SCO1: variants seen among roughly 807,000 people sequenced by gnomAD.
SCO1 encodes the protein synthesis of cytochrome C oxidase 1.
SCO1 carries 23 observed loss-of-function variants against 34.0 expected under a neutral mutation model. The observed-to-expected ratio is 0.68, with a 90% CI of 0.49 to 0.96. SCO1 has a LOEUF of 0.96. Among genes scored for constraint, SCO1 ranks in the 40% least tolerant of loss-of-function variants. The probability of loss-of-function intolerance (pLI) is 0.00; values close to 1 mark genes in which losing one functional copy is unlikely to be tolerated. For missense variants in SCO1, 404 were observed against 381.6 expected (o/e 1.06, Z -0.49); for synonymous variants, 161 against 145.5 (o/e 1.11, Z -0.77).
intron 5 of SCO1, among the ~76,000 whole-genome samples, chr17:10,682,914 C>A (rs553508213): frequency 5.3e-5 from 8 of 152,302 alleles, no homozygotes; most frequent in African/African-American, 1.7e-4. Context: ...ACTTTAAAAC[C>A]TAGAATCTGT....
rs1370267540 is a variant in SCO1 at position 10,676,835 on chromosome 17, G to A, written c.*4284C>T. 6.6e-6 allele frequency: 1 copy of A among 152,222 alleles called. No individual in the cohort carries two copies. The highest frequency in any genetic ancestry group is 1.5e-5 in the Non-Finnish European group (1 of 68,046). 9.4% of individuals were successfully genotyped at this position (152,222 alleles called of 1,614,324 possible). On this transcript the variant is annotated 3_prime_UTR_variant, in exon 6 of 6. Transcript: ENST00000255390. ...AGGATATAGTATAATTACGGAAGAA[G>A]AGCCAACAAACTTTCAAATACATTG...
intron 5 of SCO1, among the ~76,000 whole-genome samples, chr17:10,681,510 C>T (rs1471349038): frequency 6.6e-6 from 1 of 152,194 alleles, no homozygotes; most frequent in Non-Finnish European, 1.5e-5. Flanking sequence ...TTGGTTTAAT[C>T]CTTAACATAT....
chr17:10,693,225 C>T (rs1039785058), intron 2 of SCO1, among the ~76,000 whole-genome samples: 17 of 152,116 alleles, frequency 1.1e-4, no homozygotes, highest in African/African-American at 3.9e-4. Context: ...CAGTCCTAAG[C>T]CATTAGCTGT....
At chr17:10,682,189 T>C (rs2074625988) in intron 5 of SCO1, among the ~76,000 whole-genome samples, 3 of 152,234 alleles carry the variant, frequency 2.0e-5, no homozygotes, top group Admixed American at 1.3e-4. Flanking sequence ...TTGACTGCTA[T>C]TTGGCAAGAC....
rs1445695662 is a variant in SCO1 at position 10,684,262 on chromosome 17, A to G, written c.771+2465T>C. On this transcript the variant is annotated intron_variant, in intron 5 of 5. Transcript: ENST00000255390. ...TCTGGATTATCTGTGTTGTGAGTAT[A>G]AATTTCAGTGCCCAGGCTTGTGTTT... is the stretch of plus-strand genomic sequence containing the variant. 2.6e-5 allele frequency among the ~76,000 whole-genome samples: 4 copies of G among 152,222 alleles called. No homozygotes were observed. The East Asian group carries it at 7.7e-4, about 29-fold the overall frequency.
chr17:10,679,127 G>A lies in SCO1; in HGVS notation c.*1992C>T, dbSNP rs939616879. 3 of 152,198 alleles carry A rather than the reference G, an allele frequency of 2.0e-5. No homozygotes were observed. The highest frequency in any genetic ancestry group is 7.2e-5 in the African/African-American group (3 of 41,426). The allele number at this position is 152,198 out of a possible 1,614,324, so 9.4% of individuals were successfully genotyped here. ...TGCCCGGCTAATTTTTGTATTTTTA[G>A]GAGAGAGACGACGTTTCACCATGTT... On this transcript the variant is annotated 3_prime_UTR_variant, in exon 6 of 6. Transcript: ENST00000255390.
chr17:10,690,906 A>G (rs1289167468), intron 4 of SCO1, among the ~76,000 whole-genome samples: 2 of 152,216 alleles, frequency 1.3e-5, no homozygotes, highest in Non-Finnish European at 2.9e-5. Context: ...AGCCTGGAGG[A>G]TACTATTAAT....
rs1218954818 is a variant in SCO1 at position 10,673,204 on chromosome 17, A to C, written c.*7915T>G. ...ATTTTAGTAGAGATGGGGTTTCACC[A>C]TGTTGGCCAGGATGATCTCGATCTC... On this transcript the variant is annotated 3_prime_UTR_variant, in exon 6 of 6. Transcript: ENST00000255390. 1 of 151,960 alleles carries C rather than the reference A, an allele frequency of 6.6e-6. No homozygotes were observed. The highest frequency in any genetic ancestry group is 1.5e-5 in the Non-Finnish European group (1 of 68,082). The allele number at this position is 151,960 out of a possible 1,614,324, so 9.4% of individuals were successfully genotyped here. A position where few individuals can be genotyped will look rare whatever the true frequency, so the allele number is the denominator to read the frequency against.
intron 5 of SCO1, among the ~76,000 whole-genome samples, chr17:10,684,478 C>A (rs995224368): frequency 1.3e-5 from 2 of 152,188 alleles, no homozygotes; most frequent in African/African-American, 4.8e-5. Flanking sequence ...CTGACCAAAA[C>A]CCCCTCCCTT....
At position 10,677,508 on chromosome 17, in the gene SCO1, T is replaced by C. The variant is rs2074588734; in HGVS notation, c.*3611A>G. On this transcript the variant is annotated 3_prime_UTR_variant, in exon 6 of 6. Coordinates refer to ENST00000255390, the MANE Select transcript of SCO1 (RefSeq NM_004589.4). ...ATTTGAAAATATTAATGTCAATTTC[T>C]TTTAAACATAAATTTAAGAACAATA... The C allele has an allele frequency of 6.6e-6, 1 of 152,256 alleles. No homozygotes were observed. The allele number at this position is 152,256 out of a possible 1,614,324, so 9.4% of individuals were successfully genotyped here. A position where few individuals can be genotyped will look rare whatever the true frequency, so the allele number is the denominator to read the frequency against.
chr17:10,696,071 TA>T (rs869243005), intron 1 of SCO1, among the ~76,000 whole-genome samples: 121 of 73,018 alleles, frequency 1.7e-3, no homozygotes, highest in South Asian at 7.2e-3. Context: ...TTCATGTAAA[TA>T]AAAAAAAAAA....
chr17:10,686,710 C>A lies in SCO1; in HGVS notation c.771+17G>T, dbSNP rs969182169. ...CTGGGAGCTGGTCCATGGGTTAAAA[C>A]TGGAACATTTACTCACTATGTAGTC... On this transcript the variant is annotated intron_variant, in intron 5 of 5. Coordinates refer to ENST00000255390, the MANE Select transcript of SCO1 (RefSeq NM_004589.4). The A allele has an allele frequency of 6.7e-7, 1 of 1,498,932 alleles. No individual in the cohort carries two copies. Among genetic ancestry groups the A allele is most frequent in the Admixed American group, 1.7e-5 (1 of 59,834 alleles). 92.9% of individuals were successfully genotyped at this position (1,498,932 alleles called of 1,614,324 possible).
In SCO1 at chr17:10,681,227, C is replaced by A; in HGVS notation, c.798G>T (p.Leu266Phe). 1 of 1,614,122 alleles carries A rather than the reference C, an allele frequency of 6.2e-7. No individual in the cohort carries two copies. The highest frequency in any genetic ancestry group is 8.5e-7 in the Non-Finnish European group (1 of 1,180,018). ...YIVDHTIIMY[L>F]IGPDGEFLDY... ...CTAGAAACTCACCATCTGGTCCAAT[C>A]AAGTACATTATTATTGTGTGATCCA... is the stretch of plus-strand genomic sequence containing the variant. Residue 266 changes from leucine (L) to phenylalanine (F), a missense_variant, in exon 6 of 6, where the codon TTG (leucine) becomes TTT (phenylalanine). By Grantham distance (22) the Leu-to-Phe change is conservative. Transcript: ENST00000255390.
rs886526698 is a variant in SCO1 at position 10,674,713 on chromosome 17, C to T, written c.*6406G>A. 2.0e-5 allele frequency: 3 copies of T among 152,612 alleles called. No individual in the cohort carries two copies. The highest frequency in any genetic ancestry group is 7.2e-5 in the African/African-American group (3 of 41,462). The allele number at this position is 152,612 out of a possible 1,614,324, so 9.5% of individuals were successfully genotyped here. On this transcript the variant is annotated 3_prime_UTR_variant, in exon 6 of 6. Transcript: ENST00000255390. ...AAACCACCTCAAGGTCCTCACGAAA[C>T]CTTGGTGGCCAAGGCCCTTGGTATG...
chr17:10,681,601 G>C (rs781736126), intron 5 of SCO1, among the ~76,000 whole-genome samples: 2 of 152,158 alleles, frequency 1.3e-5, no homozygotes, highest in Non-Finnish European at 2.9e-5. Context: ...AATGTTTGTG[G>C]AATAGCAATG....
At chr17:10,687,438 G>A (rs1355175629) in intron 4 of SCO1, among the ~76,000 whole-genome samples, 2 of 152,212 alleles carry the variant, frequency 1.3e-5, no homozygotes, top group Admixed American at 1.3e-4. Flanking sequence ...TGGAATTCAT[G>A]TAAGTGAACC....
chr17:10,692,910 G>A lies in SCO1; in HGVS notation c.416C>T (p.Pro139Leu), dbSNP rs201588886. The A allele has an allele frequency of 6.2e-6, 10 of 1,613,874 alleles. No homozygotes were observed. The highest frequency in any genetic ancestry group is 2.2e-5 in the East Asian group (1 of 44,868). Residue 139 changes from proline (P) to leucine (L), a missense_variant, in exon 3 of 6, where the codon CCG (proline) becomes CTG (leucine). Physicochemically the swap from Pro to Leu is moderately conservative, Grantham distance 98. Coordinates refer to ENST00000255390, the MANE Select transcript of SCO1 (RefSeq NM_004589.4). ...RHIGKPLLGGPFSLTTHTGER... is the reference protein window; with the variant it reads ...RHIGKPLLGGLFSLTTHTGER... Reference sequence around the variant, plus strand: ...CCCAGTATGAGTTGTGAGGGAAAACGGTCCCCCAAGTAAAGGCTTGCCGAT... The same window carrying A: ...CCCAGTATGAGTTGTGAGGGAAAACAGTCCCCCAAGTAAAGGCTTGCCGAT...
chr17:10,690,215 AGCTTCT>A (rs1182945743), intron 4 of SCO1, among the ~76,000 whole-genome samples: 3 of 152,220 alleles, frequency 2.0e-5, no homozygotes, highest in African/African-American at 7.2e-5. Context: ...CAAAATAAAA[AGCTTCT>A]GCACAGCACA....
intron 1 of SCO1, 96 bp from the exon 2 acceptor site, chr17:10,695,927 C>T (rs1477901239): frequency 6.8e-6 from 6 of 880,872 alleles, no homozygotes; most frequent in African/African-American, 1.7e-5. Context: ...TACATACACA[C>T]AGGCCATGAT....
Sources: gnomAD v4.1 joint callset for allele counts (sites outside exome capture counted in the v4.1 genomes callset) on GRCh38, gnomAD v4.1.1 for gene constraint, MANE v1.5 for transcripts, NCBI Gene and HGNC (gene_info 2026-07-23, HGNC 2026-07-21) for gene names.